Variants in PRELID2 observed in about 807,000 individuals in gnomAD.
PRELID2 encodes PRELI domain containing 2.
In PRELID2, 25 loss-of-function variants were observed where a neutral mutation model predicts 28.4. That is an observed-to-expected ratio of 0.88 (90% CI 0.64 to 1.23). PRELID2 has a LOEUF of 1.23. PRELID2 is among the 50% of genes most tolerant of loss of function. PRELID2 has a pLI of 0.00. For missense variants in PRELID2, 201 were observed against 214.4 expected (o/e 0.94, Z 0.39); for synonymous variants, 76 against 71.6 (o/e 1.06, Z -0.31).
rs139864530 is a variant in PRELID2 at position 145,528,483 on chromosome 5, C to T, written n.71-55168G>A. ...AGCAGGTTTCTTTTCCTATCATCAG[C>T]TCACGAGAGAGAGAGAGCACATACA... On this transcript the variant is annotated intron_variant and non_coding_transcript_variant, in intron 1 of 2. Coordinates refer to the PRELID2 transcript ENST00000510259. Among the ~76,000 whole-genome samples the T allele has an allele frequency of 1.1e-3, 166 of 152,200 alleles. 2 individuals carry two copies. Among genetic ancestry groups the T allele is most frequent in the Admixed American group, 4.5e-3 (68 of 15,266 alleles).
chr5:145,461,706 G>A, the PRELID2 span, among the ~76,000 whole-genome samples: 1 of 152,072 alleles, frequency 6.6e-6, no homozygotes, highest in Non-Finnish European at 1.5e-5. Context: ...TTCTATAAAA[G>A]GCCTTCAATA....
chr5:145,558,464 A>AT (rs1167182116), intron 1 of PRELID2, among the ~76,000 whole-genome samples: 6 of 152,344 alleles, frequency 3.9e-5, no homozygotes, highest in Middle Eastern at 3.4e-3. Context: ...AGGCTGTTGA[A>AT]TGGAGCTGAT....
chr5:145,728,423 G>A, intron 1 of PRELID2: 7 of 548,874 alleles, frequency 1.3e-5, no homozygotes, highest in East Asian at 3.3e-5. Flanking sequence ...TCAAGCTTCA[G>A]CAAGAGACAA....
At chr5:145,788,206 C>G (rs1014032337) in intron 5 of PRELID2, among the ~76,000 whole-genome samples, 1 of 152,212 alleles carries the variant, frequency 6.6e-6, no homozygotes, top group Non-Finnish European at 1.5e-5. Context: ...CAGATTTCCA[C>G]CAACCACTAT....
At chr5:145,462,025 A>G in the PRELID2 span, among the ~76,000 whole-genome samples, 5 of 152,180 alleles carry the variant, frequency 3.3e-5, no homozygotes, top group Non-Finnish European at 7.3e-5. Flanking sequence ...TAACCTGAAT[A>G]ATACATTATG....
At chr5:145,835,005 C>A (rs1397239407) in intron 1 of PRELID2, 172 bp downstream of exon 1, 105 of 514,812 alleles carry the variant, frequency 2.0e-4, no homozygotes, top group Non-Finnish European at 7.1e-5. Context: ...TTTTCCCGCT[C>A]CCTGTAAAGG....
the PRELID2 span, among the ~76,000 whole-genome samples, chr5:145,292,088 TCA>T: frequency 6.6e-6 from 1 of 152,126 alleles, no homozygotes; most frequent in Non-Finnish European, 1.5e-5. Context: ...AAAAACCACT[TCA>T]ATTTCTGTAG....
the PRELID2 span, among the ~76,000 whole-genome samples, chr5:145,292,493 T>C: frequency 1.3e-5 from 2 of 152,112 alleles, no homozygotes; most frequent in Non-Finnish European, 2.9e-5. Context: ...GGATGAGGAC[T>C]TCACCTACTC....
At chr5:145,436,906 G>C in the PRELID2 span, 2 of 152,154 alleles carry the variant, frequency 1.3e-5, no homozygotes, top group African/African-American at 4.8e-5. Flanking sequence ...TAGATATCCA[G>C]GCTGAATCAA....
At chr5:145,265,539 G>C in the PRELID2 span, among the ~76,000 whole-genome samples, 1 of 152,062 alleles carries the variant, frequency 6.6e-6, no homozygotes, top group Non-Finnish European at 1.5e-5. Context: ...GAACAAAACT[G>C]GAGACATCAC....
At chr5:145,753,270 T>C (rs562515895), downstream of PRELID2, among the ~76,000 whole-genome samples, 1 of 152,184 alleles carries the variant, frequency 6.6e-6, no homozygotes. Context: ...AGTCCACAGC[T>C]ACATCTTAAG....
At chr5:145,693,810 T>G (rs1428873197) in intron 1 of PRELID2, among the ~76,000 whole-genome samples, 1 of 152,146 alleles carries the variant, frequency 6.6e-6, no homozygotes, top group Non-Finnish European at 1.5e-5. Flanking sequence ...AATTGAAAAA[T>G]TAGAGTATCT....
the PRELID2 span, among the ~76,000 whole-genome samples, chr5:145,342,885 C>A: frequency 2.4e-5 from 3 of 123,992 alleles, no homozygotes; most frequent in Non-Finnish European, 5.0e-5. Flanking sequence ...GATAAACCAA[C>A]TTTAAGTCAA....
intron 1 of PRELID2, among the ~76,000 whole-genome samples, chr5:145,496,528 G>A (rs1327569384): frequency 6.6e-6 from 1 of 152,162 alleles, no homozygotes; most frequent in Non-Finnish European, 1.5e-5. Context: ...CAAGTTAGGA[G>A]GAAAAACATG....
chr5:145,529,586 T>C (rs1752638435), intron 1 of PRELID2, among the ~76,000 whole-genome samples: 1 of 152,186 alleles, frequency 6.6e-6, no homozygotes, highest in Non-Finnish European at 1.5e-5. Context: ...ATTTAAGGAA[T>C]ATTGACTGAG....
intron 1 of PRELID2, among the ~76,000 whole-genome samples, chr5:145,492,044 T>C (rs952604514): frequency 2.0e-5 from 3 of 152,188 alleles, no homozygotes; most frequent in Admixed American, 1.3e-4. Flanking sequence ...TTCCCTTCCT[T>C]TGGATCCCAG....
chr5:145,492,962 T>A (rs1752280972), intron 1 of PRELID2, among the ~76,000 whole-genome samples: 1 of 140,438 alleles, frequency 7.1e-6, no homozygotes, highest in Non-Finnish European at 1.6e-5. Flanking sequence ...GGGGTAAAAG[T>A]CAATGTTCTG....
intron 1 of PRELID2, among the ~76,000 whole-genome samples, chr5:145,709,249 C>T (rs1755625772): frequency 6.6e-6 from 1 of 152,232 alleles, no homozygotes; most frequent in Admixed American, 6.5e-5. Context: ...CTTGCTTCTT[C>T]ACCAATACCT....
intron 1 of PRELID2, among the ~76,000 whole-genome samples, chr5:145,742,011 A>AT (rs1218456754): frequency 0.026 from 132 of 5,082 alleles, 1 homozygote; most frequent in African/African-American, 0.04. Flanking sequence ...TAATAAATTT[A>AT]TTATAAGTAA....
Sources: gnomAD v4.1 joint callset for allele counts (sites outside exome capture counted in the v4.1 genomes callset) on GRCh38, gnomAD v4.1.1 for gene constraint, MANE v1.5 for transcripts, NCBI Gene and HGNC (gene_info 2026-07-23, HGNC 2026-07-21) for gene names.